SLC33A1: variants seen among roughly 807,000 people sequenced by gnomAD.
SLC33A1 encodes acetyl-coenzyme A transporter 1.
Under a neutral mutation model 50.0 loss-of-function variants are expected in SLC33A1, and 20 were observed. The ratio of observed to expected loss-of-function variants is 0.40; its 90% CI spans 0.28 to 0.58. The LOEUF is 0.58. SLC33A1 is among the 20% of genes least tolerant of loss of function. The pLI, the probability that SLC33A1 is intolerant of heterozygous loss-of-function variation, is 0.44. For synonymous variants in SLC33A1, 265 were observed against 251.8 expected (o/e 1.05, Z -0.50); for missense variants, 476 against 657.0 (o/e 0.72, Z 3.01).
intron 1 of SLC33A1, among the ~76,000 whole-genome samples, chr3:155,846,728 C>A (rs1344711919): frequency 1.3e-5 from 2 of 151,150 alleles, no homozygotes; most frequent in Admixed American, 6.6e-5. Flanking sequence ...GCTGGGATTA[C>A]AGGCATGAGC....
chr3:155,829,925 CT>C, intron 4 of SLC33A1, 22 bp from the exon 5 acceptor site: 1 of 1,429,230 alleles, frequency 7.0e-7, no homozygotes, highest in Non-Finnish European at 9.9e-7. Context: ...TGTAAAACAT[CT>C]TTAGTATGAT....
At position 155,840,527 on chromosome 3, in the gene SLC33A1, CA is replaced by C. The variant is rs895065522; in HGVS notation, c.963+1904del. ...TGAAACCCTCTCTTCATTAAAAGTA[CA>C]AAAAAATTGCCAGGCGCGGTGGCTC... On this transcript the variant is annotated intron_variant, in intron 2 of 5. Transcript: ENST00000643144. Among the ~76,000 whole-genome samples the C allele has an allele frequency of 6.6e-5, 10 of 151,832 alleles. No individual in the cohort carries two copies. In the South Asian group the frequency reaches 1.7e-3, roughly 25 times the overall value.
chr3:155,853,900 C>G lies in SLC33A1; in HGVS notation c.98G>C (p.Gly33Ala). The G allele has an allele frequency of 6.5e-7, 1 of 1,547,050 alleles. No individual in the cohort carries two copies. The highest frequency in any genetic ancestry group is 1.3e-5 in the South Asian group (1 of 79,562). ...LDMKSGPLPP[G>A]GWDDSHLDSA... Reference sequence around the variant, plus strand: ...GTCCAAATGACTGTCATCCCAACCGCCTGGCGGCAGGGGACCGCTCTTCAT... The same window carrying G: ...GTCCAAATGACTGTCATCCCAACCGGCTGGCGGCAGGGGACCGCTCTTCAT... The change falls in exon 1 of 6, where the codon GGC becomes GCC. Residue 33 changes from glycine to alanine, a missense_variant. By Grantham distance (60) the Gly-to-Ala change is moderately conservative. Transcript: ENST00000643144.
At chr3:155,847,691 T>C (rs916169752) in intron 1 of SLC33A1, among the ~76,000 whole-genome samples, 4 of 151,660 alleles carry the variant, frequency 2.6e-5, no homozygotes, top group Non-Finnish European at 5.9e-5. Flanking sequence ...GAAGTTGCAG[T>C]GAGCCGAGAT....
At chr3:155,844,002 G>A (rs911948178) in intron 1 of SLC33A1, among the ~76,000 whole-genome samples, 4 of 152,106 alleles carry the variant, frequency 2.6e-5, no homozygotes, top group African/African-American at 9.7e-5. Context: ...ATTTTATGGT[G>A]TATGTGGCAC....
At chr3:155,834,318 C>G (rs1399663194) in intron 2 of SLC33A1, among the ~76,000 whole-genome samples, 1 of 152,012 alleles carries the variant, frequency 6.6e-6, no homozygotes, top group East Asian at 1.9e-4. Flanking sequence ...TCAAAAAGTC[C>G]AATGTGTTAT....
In SLC33A1 at chr3:155,826,314, G is replaced by A. The variant is rs1203626584; in HGVS notation, c.*1896C>T. 1 of 151,852 alleles carries A rather than the reference G, an allele frequency of 6.6e-6. No homozygotes were observed. The highest frequency in any genetic ancestry group is 1.9e-4 in the East Asian group (1 of 5,170). 9.4% of individuals were successfully genotyped at this position (151,852 alleles called of 1,614,324 possible). The stretch of plus-strand genomic sequence containing the variant: ...GGGCAGGAGAATCACTTGAACCCAG[G>A]AGGCAGAGGTTGCAGTGAGCCGAGA... On this transcript the variant is annotated 3_prime_UTR_variant, in exon 6 of 6. Transcript: ENST00000643144.
intron 1 of SLC33A1, among the ~76,000 whole-genome samples, chr3:155,845,485 C>T (rs1004929858): frequency 6.6e-5 from 10 of 151,996 alleles, no homozygotes; most frequent in African/African-American, 2.4e-4. Context: ...AGCCACGGTA[C>T]CCAGACAAGG....
In SLC33A1 at chr3:155,824,619, T is replaced by C. The variant is rs1752161265; in HGVS notation, c.*3591A>G. 6.6e-6 allele frequency: 1 copy of C among 152,122 alleles called. No homozygotes were observed. The highest frequency in any genetic ancestry group is 6.5e-5 in the Admixed American group (1 of 15,268). 9.4% of individuals were successfully genotyped at this position (152,122 alleles called of 1,614,324 possible). A position where few individuals can be genotyped will look rare whatever the true frequency, so the allele number is the denominator to read the frequency against. The stretch of plus-strand genomic sequence containing the variant: ...TATCATAGATTTTTTTTTTCAACAT[T>C]GTTTTCAGGATGTTTTAAACACTTT... On this transcript the variant is annotated 3_prime_UTR_variant, in exon 6 of 6. Transcript: ENST00000643144.
At chr3:155,847,122 C>T (rs868052576) in intron 1 of SLC33A1, among the ~76,000 whole-genome samples, 3 of 151,966 alleles carry the variant, frequency 2.0e-5, no homozygotes, top group Non-Finnish European at 4.4e-5. Context: ...GCATGAGAAT[C>T]GCTTGAATCC....
At chr3:155,829,414 T>C (rs968794199) in intron 5 of SLC33A1, among the ~76,000 whole-genome samples, 2 of 152,204 alleles carry the variant, frequency 1.3e-5, no homozygotes, top group African/African-American at 4.8e-5. Flanking sequence ...TGCATTTATA[T>C]AGTGCCTGCT....
chr3:155,846,454 C>CG (rs1553778001), intron 1 of SLC33A1, among the ~76,000 whole-genome samples: 1 of 138,442 alleles, frequency 7.2e-6, no homozygotes, highest in East Asian at 2.1e-4. Flanking sequence ...CCCACACTTC[C>CG]TTTTTTTTTT....
intron 1 of SLC33A1, among the ~76,000 whole-genome samples, chr3:155,847,499 C>A (rs909710169): frequency 4.6e-5 from 7 of 152,140 alleles, no homozygotes. Flanking sequence ...AATCCCAGCA[C>A]TTTGGGAAGC....
intron 4 of SLC33A1, among the ~76,000 whole-genome samples, chr3:155,830,680 G>A (rs1293098268): frequency 6.6e-6 from 1 of 151,770 alleles, no homozygotes; most frequent in African/African-American, 2.4e-5. Flanking sequence ...TATTTGTACT[G>A]TACCTAAATA....
chr3:155,829,702 G>C lies in SLC33A1; in HGVS notation c.1468C>G (p.Pro490Ala). Reference sequence around the variant, plus strand: ...AACATACTTACCTCAACAGCATCAGGTGTTCGACAATTCTGGTTTGATGCT... The same window carrying C: ...AACATACTTACCTCAACAGCATCAGCTGTTCGACAATTCTGGTTTGATGCT... ...VGASNQNCRTPDAVELCKKLG... is the reference protein window; with the variant it reads ...VGASNQNCRTADAVELCKKLG... Residue 490 changes from proline (P) to alanine (A), a missense_variant, in exon 5 of 6, where the codon CCT becomes GCT. By Grantham distance (27) the Pro-to-Ala change is conservative. Transcript: ENST00000643144. 1 of 1,611,126 alleles carries C rather than the reference G, an allele frequency of 6.2e-7. No homozygotes were observed. Among genetic ancestry groups the C allele is most frequent in the Non-Finnish European group, 8.5e-7 (1 of 1,177,302 alleles).
intron 2 of SLC33A1, among the ~76,000 whole-genome samples, chr3:155,835,901 C>T (rs2109316942): frequency 6.6e-6 from 1 of 152,240 alleles, no homozygotes; most frequent in Non-Finnish European, 1.5e-5. Context: ...GTGTCCACGT[C>T]CTTGATCTCT....
chr3:155,830,124 G>C lies in SLC33A1; in HGVS notation c.1267-221C>G, dbSNP rs549425436. Among the ~76,000 whole-genome samples, 22 of 151,974 alleles carry C rather than the reference G, an allele frequency of 1.4e-4. No individual in the cohort carries two copies. In the South Asian group the frequency reaches 3.5e-3, roughly 24 times the overall value. ...CATGCCTGTAATTCCAGCACTTTGG[G>C]AGGCCAAGGCGGGCGGATCACAAGG... On this transcript the variant is annotated intron_variant, in intron 4 of 5. Coordinates refer to ENST00000643144, the MANE Select transcript of SLC33A1 (RefSeq NM_004733.4).
chr3:155,833,219 A>G (rs1271211281), intron 4 of SLC33A1, among the ~76,000 whole-genome samples: 1 of 152,206 alleles, frequency 6.6e-6, no homozygotes, highest in Non-Finnish European at 1.5e-5. Flanking sequence ...ACTGCACCCC[A>G]GCCTGGGTGA....
intron 1 of SLC33A1, among the ~76,000 whole-genome samples, chr3:155,844,450 T>G (rs1577472692): frequency 4.4e-5 from 1 of 22,684 alleles, no homozygotes; most frequent in East Asian, 1.6e-3. Context: ...TATATATATA[T>G]ATATATATTT....
Sources: allele counts gnomAD v4.1 joint callset (sites outside exome capture counted in the v4.1 genomes callset), GRCh38; gene constraint gnomAD v4.1.1; transcripts MANE v1.5; gene names NCBI Gene and HGNC (gene_info 2026-07-23, HGNC 2026-07-21).